Variants in SGCD observed in about 807,000 individuals in gnomAD.
SGCD encodes delta-sarcoglycan.
Under a neutral mutation model 36.6 loss-of-function variants are expected in SGCD, and 18 were observed. That is an observed-to-expected ratio of 0.49 (90% CI 0.34 to 0.73). The LOEUF is 0.73. Ranked by LOEUF, SGCD falls within the 30% of genes least tolerant of loss-of-function variation. SGCD has a pLI of 0.01. For missense variants in SGCD, 387 were observed against 346.7 expected, an observed-to-expected ratio of 1.12 and a Z score of -0.92; for synonymous variants, 133 against 130.6, an observed-to-expected ratio of 1.02 and a Z score of -0.12.
At chr5:155,816,221 C>A in the SGCD span, among the ~76,000 whole-genome samples, 7 of 152,248 alleles carry the variant, frequency 4.6e-5, no homozygotes, top group South Asian at 2.1e-4. Flanking sequence ...GAGGTGCCAA[C>A]CCCCTGCACA....
chr5:156,161,598 AC>A (rs1243926573), intron 3 of SGCD, among the ~76,000 whole-genome samples: 1 of 151,854 alleles, frequency 6.6e-6, no homozygotes, highest in African/African-American at 2.4e-5. Flanking sequence ...TATGTTGGAC[AC>A]CTAAACCCAT....
the SGCD span, among the ~76,000 whole-genome samples, chr5:155,762,013 AT>A: frequency 2.0e-5 from 3 of 152,224 alleles, no homozygotes; most frequent in African/African-American, 7.2e-5. Context: ...TTCTTTACAA[AT>A]ATACACTTGA....
chr5:156,533,045 C>T (rs1393055629), intron 4 of SGCD, among the ~76,000 whole-genome samples: 1 of 152,144 alleles, frequency 6.6e-6, no homozygotes, highest in African/African-American at 2.4e-5. Flanking sequence ...GAGAAGTAAA[C>T]AGTAGTTACA....
At chr5:156,445,930 C>T (rs1753738951) in intron 3 of SGCD, among the ~76,000 whole-genome samples, 1 of 152,052 alleles carries the variant, frequency 6.6e-6, no homozygotes, top group African/African-American at 2.4e-5. Flanking sequence ...GGAATATGTA[C>T]TATGTAACCT....
chr5:156,200,947 T>C (rs1283146170), intron 3 of SGCD, among the ~76,000 whole-genome samples: 4 of 152,178 alleles, frequency 2.6e-5, no homozygotes, highest in Non-Finnish European at 5.9e-5. Context: ...TGTTGTAATA[T>C]GGATGAACGT....
intron 3 of SGCD, among the ~76,000 whole-genome samples, chr5:156,180,453 AC>A (rs1389963601): frequency 1.3e-5 from 2 of 152,108 alleles, no homozygotes; most frequent in African/African-American, 2.4e-5. Context: ...GTAGATAAAA[AC>A]ATTTTAAACT....
chr5:156,562,831 T>G (rs2113250418), intron 4 of SGCD, among the ~76,000 whole-genome samples: 2 of 151,072 alleles, frequency 1.3e-5, no homozygotes, highest in East Asian at 3.9e-4. Context: ...TAATTTATAT[T>G]CTTATACATA....
At chr5:156,432,474 A>C (rs1312965035) in intron 3 of SGCD, among the ~76,000 whole-genome samples, 1 of 152,208 alleles carries the variant, frequency 6.6e-6, no homozygotes, top group African/African-American at 2.4e-5. Flanking sequence ...AAAGTTGGCC[A>C]GGGGAAGTAT....
intron 3 of SGCD, among the ~76,000 whole-genome samples, chr5:156,253,507 G>T (rs989324887): frequency 6.6e-6 from 1 of 152,182 alleles, no homozygotes; most frequent in Non-Finnish European, 1.5e-5. Context: ...ACAAAATGTA[G>T]TACTGACATA....
At chr5:155,782,983 C>T in the SGCD span, among the ~76,000 whole-genome samples, 3 of 152,036 alleles carry the variant, frequency 2.0e-5, no homozygotes, top group Non-Finnish European at 4.4e-5. Context: ...TAGGTTTCAG[C>T]TCCACTCAAA....
At chr5:155,884,036 C>T (rs1419539346) in intron 1 of SGCD, among the ~76,000 whole-genome samples, 1 of 152,132 alleles carries the variant, frequency 6.6e-6, no homozygotes, top group African/African-American at 2.4e-5. Flanking sequence ...ACTTCACTCC[C>T]ACTAATAGTT....
chr5:156,032,851 C>G (rs953924410), intron 1 of SGCD, among the ~76,000 whole-genome samples: 1 of 150,514 alleles, frequency 6.6e-6, no homozygotes, highest in Non-Finnish European at 1.5e-5. Flanking sequence ...AGGAGGATCT[C>G]TTAAGCCCAG....
exon 2 of SGCD, chr5:156,117,915 A>G (rs1415812576): frequency 6.6e-6 from 1 of 152,174 alleles, no homozygotes; most frequent in Non-Finnish European, 1.5e-5. Context: ...TGTGTCACTA[A>G]GAACAGGAGA....
chr5:156,548,958 G>C (rs1292264012), intron 4 of SGCD, among the ~76,000 whole-genome samples: 2 of 151,976 alleles, frequency 1.3e-5, no homozygotes, highest in African/African-American at 4.8e-5. Context: ...ATTTGATTCA[G>C]CCTTGAGCTC....
Position 156,344,625 on chromosome 5 carries a change from T to C in SGCD, c.140T>C (p.Leu47Pro). The change falls in exon 3 of 9, where the codon CTG (leucine) becomes CCG (proline). Residue 47 changes from leucine (L) to proline (P), a missense_variant. Physicochemically the swap from Leu to Pro is moderately conservative, Grantham distance 98. Coordinates refer to ENST00000337851, the MANE Select transcript of SGCD (RefSeq NM_000337.6). ...GTCCTGCTCCTCATGATTTTAATAC[T>C]GGTGAACTTGGCCATGACCATCTGG... Reference protein sequence around the residue: ...FFVLLLMILILVNLAMTIWIL... With the variant: ...FFVLLLMILIPVNLAMTIWIL... 1.2e-6 allele frequency: 2 copies of C among 1,612,268 alleles called. No individual in the cohort carries two copies. Among genetic ancestry groups the C allele is most frequent in the Admixed American group, 1.7e-5 (1 of 59,840 alleles).
At chr5:156,432,221 T>C (rs1410586954) in intron 3 of SGCD, among the ~76,000 whole-genome samples, 2 of 152,220 alleles carry the variant, frequency 1.3e-5, no homozygotes, top group Admixed American at 6.5e-5. Context: ...GATAGGCTAA[T>C]GTGCTGGCTT....
intron 3 of SGCD, among the ~76,000 whole-genome samples, chr5:156,453,646 C>G (rs150626433): frequency 3.4e-4 from 52 of 151,986 alleles, no homozygotes; most frequent in African/African-American, 1.2e-3. Context: ...AGTTAGAGAC[C>G]AAGGATGCTG....
chr5:156,144,548 G>A (rs1333092332), intron 3 of SGCD, among the ~76,000 whole-genome samples: 2 of 152,172 alleles, frequency 1.3e-5, no homozygotes, highest in African/African-American at 4.8e-5. Flanking sequence ...TTTGAGAAGT[G>A]TCTGTTCATA....
intron 3 of SGCD, among the ~76,000 whole-genome samples, chr5:156,185,258 A>G (rs932894584): frequency 7.6e-6 from 1 of 131,524 alleles, no homozygotes; most frequent in African/African-American, 2.9e-5. Flanking sequence ...TCTGTTGCCC[A>G]GGCTGGAGTG....
Sources: allele counts gnomAD v4.1 joint callset (sites outside exome capture counted in the v4.1 genomes callset), GRCh38; gene constraint gnomAD v4.1.1; transcripts MANE v1.5; gene names NCBI Gene and HGNC (gene_info 2026-07-23, HGNC 2026-07-21).